The following RPS6KA2 variants were observed in gnomAD, a reference collection of about 807,000 sequenced individuals.
RPS6KA2 encodes ribosomal protein S6 kinase A2.
In RPS6KA2, 42 loss-of-function variants were observed where a neutral mutation model predicts 91.8. The observed-to-expected ratio is 0.46, with a 90% CI of 0.36 to 0.59. The LOEUF (loss-of-function observed/expected upper bound fraction) is 0.59. Ranked by LOEUF, RPS6KA2 falls within the 20% of genes least tolerant of loss-of-function variation. RPS6KA2 has a pLI of 0.00. For missense variants in RPS6KA2, 798 were observed against 978.5 expected (o/e 0.82, Z 2.46); for synonymous variants, 414 against 393.6 (o/e 1.05, Z -0.61).
chr6:166,430,617 G>C lies in RPS6KA2; in HGVS notation c.1423-6C>G. The C allele has an allele frequency of 6.2e-7, 1 of 1,609,784 alleles. No individual in the cohort carries two copies. Among genetic ancestry groups the C allele is most frequent in the Non-Finnish European group, 8.5e-7 (1 of 1,176,982 alleles). ...AACTTGCCATCATCATAGACCTGCG[G>C]AGTGGAGAAGGGGCGCACACGTCAC... On this transcript the variant is annotated splice_region_variant and splice_polypyrimidine_tract_variant and intron_variant, in intron 15 of 20. Coordinates refer to ENST00000265678, the MANE Select transcript of RPS6KA2 (RefSeq NM_021135.6).
intron 2 of RPS6KA2, chr6:166,702,622 G>C (rs937947228): frequency 1.0e-5 from 16 of 1,570,858 alleles, no homozygotes; most frequent in African/African-American, 1.4e-5. Context: ...TTTTGGGACC[G>C]AGTGCTCAAC....
At position 166,612,079 on chromosome 6, in the gene RPS6KA2, C is replaced by T. The variant is rs1019012951; in HGVS notation, c.99+14842G>A. Among the ~76,000 whole-genome samples the T allele has an allele frequency of 1.3e-5, 2 of 152,182 alleles. No individual in the cohort carries two copies. Among genetic ancestry groups the T allele is most frequent in the Non-Finnish European group, 2.9e-5 (2 of 68,046 alleles). ...AGGCATCCAACCCATTCTCCAACAC[C>T]CCTTTCCCAGGCCTGTTTGTTCTTT... is the stretch of plus-strand genomic sequence containing the variant. On this transcript the variant is annotated intron_variant, in intron 1 of 20. Transcript: ENST00000265678. The surrounding 1 kb of genome is among the most constrained non-coding windows in gnomAD (Gnocchi z 4.3).
intron 5 of RPS6KA2, among the ~76,000 whole-genome samples, chr6:166,506,065 T>C (rs1240484995): frequency 6.6e-6 from 1 of 151,892 alleles, no homozygotes; most frequent in Admixed American, 6.6e-5. Context: ...GGCACAGCGA[T>C]GGTCCCCGTA....
In RPS6KA2 at chr6:166,563,464, C is replaced by A. The variant is rs1399426601; in HGVS notation, c.100-24680G>T. 6.6e-6 allele frequency among the ~76,000 whole-genome samples: 1 copy of A among 152,148 alleles called. No individual in the cohort carries two copies. Among genetic ancestry groups the A allele is most frequent in the South Asian group, 2.1e-4 (1 of 4,824 alleles). On this transcript the variant is annotated intron_variant, in intron 1 of 20. Transcript: ENST00000265678. The surrounding 1 kb of genome is among the most constrained non-coding windows in gnomAD (Gnocchi z 4.1). The stretch of plus-strand genomic sequence containing the variant: ...TCCTCCTGGTGACAGATGCCCCCTG[C>A]CACCCCCAGGGGCTGCGGCTCCCCC...
intron 2 of RPS6KA2, among the ~76,000 whole-genome samples, chr6:166,712,674 A>T (rs568169212): frequency 3.0e-4 from 46 of 152,296 alleles, no homozygotes; most frequent in African/African-American, 1.1e-3. Context: ...GTTCCCCTGC[A>T]CTATCTCTTG....
In RPS6KA2 at chr6:166,613,067, G is replaced by A. The variant is rs1360500773; in HGVS notation, c.99+13854C>T. Among the ~76,000 whole-genome samples the A allele has an allele frequency of 2.0e-5, 3 of 152,302 alleles. No individual in the cohort carries two copies. The South Asian group carries it at 6.2e-4, about 32-fold the overall frequency. On this transcript the variant is annotated intron_variant, in intron 1 of 20. Transcript: ENST00000265678. ...TTCAGGGCCTTTCCCTGTATTTCAA[G>A]TCCTTAGTTAAAAGCACGTGTCTGA...
chr6:166,555,753 C>T (rs576536249), intron 1 of RPS6KA2, among the ~76,000 whole-genome samples: 2 of 152,174 alleles, frequency 1.3e-5, no homozygotes, highest in Non-Finnish European at 2.9e-5. Context: ...GACACAGAAT[C>T]ATCATGGAAC....
intron 11 of RPS6KA2, among the ~76,000 whole-genome samples, chr6:166,469,006 G>GCC (rs1562515694): frequency 1.3e-5 from 2 of 152,168 alleles, no homozygotes; most frequent in African/African-American, 4.8e-5. Flanking sequence ...CAACATAGCT[G>GCC]TTTTTGTGTT....
At chr6:166,744,642 C>A (rs1790928251) in intron 2 of RPS6KA2, among the ~76,000 whole-genome samples, 1 of 152,222 alleles carries the variant, frequency 6.6e-6, no homozygotes, top group South Asian at 2.1e-4. Flanking sequence ...CGAGGGTCCT[C>A]CCGCGCTGCC....
chr6:166,638,227 G>C (rs533594647), intron 2 of RPS6KA2, among the ~76,000 whole-genome samples: 4 of 152,246 alleles, frequency 2.6e-5, no homozygotes, highest in African/African-American at 9.6e-5. Flanking sequence ...GCGCAAGCTC[G>C]CAATCACTGT....
chr6:166,531,078 T>G (rs1783258300), intron 3 of RPS6KA2, among the ~76,000 whole-genome samples, 154 bp downstream of exon 3: 1 of 152,256 alleles, frequency 6.6e-6, no homozygotes, highest in South Asian at 2.1e-4. Flanking sequence ...ATGGAAATGT[T>G]TATACTGTTT....
intron 2 of RPS6KA2, among the ~76,000 whole-genome samples, chr6:166,754,537 G>A (rs1583081888): frequency 6.6e-6 from 1 of 152,192 alleles, no homozygotes; most frequent in East Asian, 1.9e-4. Flanking sequence ...GGCCCTGGGA[G>A]GATTAGGGCA....
intron 2 of RPS6KA2, chr6:166,702,532 T>G: frequency 6.9e-7 from 1 of 1,453,372 alleles, no homozygotes; most frequent in Non-Finnish European, 9.7e-7. Flanking sequence ...CACTCCATAC[T>G]GGACTAGTCA....
At chr6:166,632,348 C>G (rs143516949) in intron 2 of RPS6KA2, among the ~76,000 whole-genome samples, 62 of 152,294 alleles carry the variant, frequency 4.1e-4, no homozygotes, top group African/African-American at 1.5e-3. Context: ...CGGGGTAGCT[C>G]ACGCCTATAA....
intron 1 of RPS6KA2, among the ~76,000 whole-genome samples, chr6:166,578,047 A>G (rs1188288385): frequency 1.3e-5 from 2 of 152,124 alleles, no homozygotes; most frequent in East Asian, 1.9e-4. Context: ...CATATAAGAA[A>G]TGTTTTTTGC....
chr6:166,570,663 C>A (rs1784661313), intron 1 of RPS6KA2, among the ~76,000 whole-genome samples: 1 of 152,162 alleles, frequency 6.6e-6, no homozygotes, highest in Non-Finnish European at 1.5e-5. Flanking sequence ...GAAATACACA[C>A]ATAAATTCCA....
rs899541944 is a variant in RPS6KA2 at position 166,490,496 on chromosome 6, G to A, written c.818+175C>T. 1.3e-5 allele frequency among the ~76,000 whole-genome samples: 2 copies of A among 152,192 alleles called. No homozygotes were observed. The highest frequency in any genetic ancestry group is 6.5e-5 in the Admixed American group (1 of 15,286). ...GCACCCTATTACCACTGCTACTGGC[G>A]GACGAGCGCTACCATTTTGTGTAAA... On this transcript the variant is annotated intron_variant, in intron 9 of 20. Coordinates refer to ENST00000265678, the MANE Select transcript of RPS6KA2 (RefSeq NM_021135.6). This position sits in a 1 kb window ranked among gnomAD's most constrained non-coding sequence, Gnocchi z 4.2.
At chr6:166,582,440 C>G (rs572347752) in intron 1 of RPS6KA2, among the ~76,000 whole-genome samples, 1 of 152,324 alleles carries the variant, frequency 6.6e-6, no homozygotes, top group South Asian at 2.1e-4. Flanking sequence ...CTGTTCACAG[C>G]TGCTCACCAC....
In RPS6KA2 at chr6:166,770,922, A is replaced by G. The variant is rs768318348; in HGVS notation, c.123+87278T>C. 2 of 1,593,576 alleles carry G rather than the reference A, an allele frequency of 1.3e-6. No homozygotes were observed. Among genetic ancestry groups the G allele is most frequent in the Non-Finnish European group, 1.7e-6 (2 of 1,178,728 alleles). On this transcript the variant is annotated intron_variant, in intron 2 of 21. Transcript: ENST00000503859. This position sits in a 1 kb window ranked among gnomAD's most constrained non-coding sequence, Gnocchi z 5.1. ...GCTGAGTCACTTTTGCCCTGTGAAAATGGAAACGAAGAAAGAATTCCTTTA... is the reference window on the plus strand; with the variant it reads ...GCTGAGTCACTTTTGCCCTGTGAAAGTGGAAACGAAGAAAGAATTCCTTTA...
Sources: allele counts gnomAD v4.1 joint callset (sites outside exome capture counted in the v4.1 genomes callset), GRCh38; gene constraint gnomAD v4.1.1; non-coding constraint Gnocchi (gnomAD v3.1); transcripts MANE v1.5; gene names NCBI Gene and HGNC (gene_info 2026-07-23, HGNC 2026-07-21).